EDRF1: variants seen among roughly 807,000 people sequenced by gnomAD.
The protein encoded by EDRF1 is erythroid differentiation regulatory factor 1, also known as erythroid differentiation-related factor 1.
Under a neutral mutation model 148.7 loss-of-function variants are expected in EDRF1, and 69 were observed. The observed-to-expected ratio is 0.46, with a 90% CI of 0.38 to 0.57. The LOEUF (loss-of-function observed/expected upper bound fraction) is 0.57, where lower values mean the gene tolerates loss of function less well. EDRF1 is among the 20% of genes least tolerant of loss of function. The pLI, the probability that EDRF1 is intolerant of heterozygous loss-of-function variation, is 0.00. For missense variants in EDRF1, 1,118 were observed against 1,478.7 expected (o/e 0.76, Z 4.00); for synonymous variants, 515 against 532.8 (o/e 0.97, Z 0.46).
chr10:125,745,964 A>G (rs779358718), intron 19 of EDRF1, 34 bp downstream of exon 19: 1 of 1,590,554 alleles, frequency 6.3e-7, no homozygotes, highest in Non-Finnish European at 8.6e-7. Context: ...GGCCTCACCC[A>G]TTCACACCTG....
chr10:125,739,360 CCTT>C (rs1450032326), intron 15 of EDRF1, among the ~76,000 whole-genome samples: 21 of 152,178 alleles, frequency 1.4e-4, no homozygotes, highest in Non-Finnish European at 2.8e-4. Flanking sequence ...TTTTCTGTCT[CCTT>C]CTCCATCTCC....
At chr10:125,761,164 C>G (rs1007801619) in intron 24 of EDRF1, 3 of 353,376 alleles carry the variant, frequency 8.5e-6, no homozygotes, top group African/African-American at 6.6e-5. Context: ...TATTAGATTC[C>G]TATAGAATTA....
rs373773564 is a variant in EDRF1 at position 125,725,757 on chromosome 10, A to G, written c.711A>G (p.Thr237=). ...EQQESSSSDQ[T]NDSEGASWPA... ...AGGAATCGTCCAGTTCAGATCAGAC[A>G]AATGATTCGGAAGGGGCTTCATGGC... The change falls in exon 6 of 25, where the codon ACA becomes ACG. Residue 237 remains threonine, a synonymous_variant. Transcript: ENST00000356792. 10 of 1,614,034 alleles carry G rather than the reference A, an allele frequency of 6.2e-6. No homozygotes were observed. In the African/African-American group the frequency reaches 1.3e-4, roughly 22 times the overall value.
intron 23 of EDRF1, among the ~76,000 whole-genome samples, chr10:125,753,321 G>A (rs147145091): frequency 5.9e-5 from 9 of 152,262 alleles, no homozygotes; most frequent in African/African-American, 1.9e-4. Flanking sequence ...GGAATTTCTC[G>A]TTTTCTGGGC....
chr10:125,745,626 C>T, intron 18 of EDRF1, 81 bp from the exon 19 acceptor site: 1 of 1,445,738 alleles, frequency 6.9e-7, no homozygotes, highest in Admixed American at 1.7e-5. Context: ...CTGCCATCCT[C>T]CTCTTATCTC....
chr10:125,743,633 G>A (rs1235443029), intron 18 of EDRF1, among the ~76,000 whole-genome samples: 1 of 152,212 alleles, frequency 6.6e-6, no homozygotes, highest in Non-Finnish European at 1.5e-5. Flanking sequence ...AAATGCTGTG[G>A]ATGAGTACCG....
intron 19 of EDRF1, chr10:125,746,664 C>G (rs1032652321): frequency 5.2e-5 from 8 of 152,402 alleles, no homozygotes; most frequent in African/African-American, 1.9e-4. Context: ...TCACTGCAAC[C>G]TCTGCCTCCT....
intron 16 of EDRF1, 31 bp from the exon 17 acceptor site, chr10:125,740,970 G>GT (rs1848989445): frequency 1.2e-6 from 2 of 1,607,634 alleles, no homozygotes; most frequent in Non-Finnish European, 1.7e-6. Context: ...CTGCATTTGT[G>GT]TTTTTTCTTC....
intron 15 of EDRF1, 103 bp downstream of exon 15, chr10:125,738,548 G>T: frequency 7.3e-7 from 1 of 1,374,936 alleles, no homozygotes; most frequent in South Asian, 1.2e-5. Flanking sequence ...GAAAGGCATT[G>T]AGAAAAAGAT....
At chr10:125,747,230 A>G in intron 19 of EDRF1, 1 of 292,228 alleles carries the variant, frequency 3.4e-6, no homozygotes, top group Middle Eastern at 1.1e-3. Flanking sequence ...TTTAGAAAGA[A>G]AAAAAAAAAC....
intron 24 of EDRF1, among the ~76,000 whole-genome samples, chr10:125,754,470 C>T (rs1439433261): frequency 6.6e-6 from 1 of 152,186 alleles, no homozygotes; most frequent in African/African-American, 2.4e-5. Context: ...TCTAGTGATG[C>T]TTCTGAATGT....
In EDRF1 at chr10:125,729,049, C is replaced by T. The variant is rs1420488712; in HGVS notation, c.839C>T (p.Ser280Leu). Residue 280 changes from serine to leucine, a missense_variant, in exon 7 of 25, where the codon TCA becomes TTA. This residue lies in a region of EDRF1 where 954 missense variants were observed against 1,241.4 expected (regional missense o/e 0.77). Transcript: ENST00000356792. ...TCATACATAGTGGGGCATGTGGCCT[C>T]AGCCCCCAAAGAACAAAACCTGATT... ...EPSYIVGHVA[S>L]APKEQNLITL... 5 of 1,582,886 alleles carry T rather than the reference C, an allele frequency of 3.2e-6. No individual in the cohort carries two copies. The highest frequency in any genetic ancestry group is 4.5e-5 in the East Asian group (2 of 44,396).
chr10:125,744,097 G>A (rs561057131), intron 18 of EDRF1, among the ~76,000 whole-genome samples: 1 of 152,282 alleles, frequency 6.6e-6, no homozygotes, highest in East Asian at 1.9e-4. Flanking sequence ...AGTTGAAGCC[G>A]TGAGAATAGA....
chr10:125,735,113 A>G (rs529226501), intron 12 of EDRF1, among the ~76,000 whole-genome samples: 4 of 152,296 alleles, frequency 2.6e-5, no homozygotes, highest in African/African-American at 9.6e-5. Context: ...GAACTGATAA[A>G]TAGTAGAATG....
intron 4 of EDRF1, among the ~76,000 whole-genome samples, chr10:125,724,152 A>AT (rs1848144401): frequency 2.0e-5 from 3 of 152,246 alleles, no homozygotes; most frequent in Admixed American, 2.0e-4. Flanking sequence ...CAACAGCCAG[A>AT]TTCTTTTTTA....
Position 125,733,713 on chromosome 10 carries a change from T to G in EDRF1, c.1355T>G (p.Phe452Cys). 6.2e-7 allele frequency: 1 copy of G among 1,613,434 alleles called. No homozygotes were observed. Among genetic ancestry groups the G allele is most frequent in the Non-Finnish European group, 8.5e-7 (1 of 1,179,454 alleles). The change falls in exon 11 of 25, where the codon TTC (phenylalanine) becomes TGC (cysteine). Residue 452 changes from phenylalanine (F) to cysteine (C), a missense_variant. This residue lies in a region of EDRF1 where 954 missense variants were observed against 1,241.4 expected (regional missense o/e 0.77). Transcript: ENST00000356792. ...EETEDKYQNP[F>C]TMPVAILLYK... is the part of the protein sequence containing the mutation. ...ACTGAAGACAAATACCAAAATCCAT[T>G]CACAATGCCGGTAGCCATTCTCTTG...
At chr10:125,755,829 C>T (rs1454093829) in intron 24 of EDRF1, among the ~76,000 whole-genome samples, 7 of 151,928 alleles carry the variant, frequency 4.6e-5, no homozygotes, top group Admixed American at 4.6e-4. Flanking sequence ...TATTGGTAAT[C>T]CTTCTGTTTT....
chr10:125,729,237 T>C (rs1432748207), intron 7 of EDRF1, 121 bp from the exon 8 acceptor site: 3 of 1,465,298 alleles, frequency 2.0e-6, no homozygotes, highest in African/African-American at 2.8e-5. Flanking sequence ...ATCTTTGTGA[T>C]CTTAGCTCTG....
chr10:125,744,121 C>G (rs962525034), intron 18 of EDRF1, among the ~76,000 whole-genome samples: 8 of 151,910 alleles, frequency 5.3e-5, no homozygotes, highest in African/African-American at 1.9e-4. Flanking sequence ...GAATGTAAAG[C>G]CTGGACACAG....
Sources: allele counts gnomAD v4.1 joint callset (sites outside exome capture counted in the v4.1 genomes callset), GRCh38; gene constraint gnomAD v4.1.1; regional missense constraint gnomAD v4.1.1; transcripts MANE v1.5; gene names NCBI Gene and HGNC (gene_info 2026-07-23, HGNC 2026-07-21).